TMC1: variants seen among roughly 807,000 people sequenced by gnomAD.
The protein encoded by TMC1 is transmembrane channel-like protein 1.
Under a neutral mutation model 105.8 loss-of-function variants are expected in TMC1, and 84 were observed. The observed-to-expected ratio is 0.79, with a 90% CI of 0.67 to 0.95. TMC1 has a LOEUF of 0.95. Ranked by LOEUF, TMC1 falls within the 40% of genes least tolerant of loss-of-function variation. The pLI, the probability that TMC1 is intolerant of heterozygous loss-of-function variation, is 0.00. For missense variants in TMC1, 817 were observed against 914.1 expected, an observed-to-expected ratio of 0.89 and a Z score of 1.37; for synonymous variants, 315 against 311.5, an observed-to-expected ratio of 1.01 and a Z score of -0.12.
chr9:72,755,622 A>G (rs1221603983), intron 12 of TMC1, among the ~76,000 whole-genome samples: 1 of 152,172 alleles, frequency 6.6e-6, no homozygotes, highest in East Asian at 1.9e-4. Flanking sequence ...ATGTAATTCC[A>G]CATATTCTTT....
chr9:72,833,044 T>C (rs143345330), intron 23 of TMC1, among the ~76,000 whole-genome samples: 140 of 152,284 alleles, frequency 9.2e-4, no homozygotes, highest in African/African-American at 3.3e-3. Flanking sequence ...TTAAGTATTA[T>C]CTCTTAAAAT....
chr9:72,775,281 G>A (rs1485860386), intron 13 of TMC1, among the ~76,000 whole-genome samples: 1 of 150,058 alleles, frequency 6.7e-6, no homozygotes, highest in Non-Finnish European at 1.5e-5. Context: ...TTCTTTCCAG[G>A]TCAGTGTACA....
At chr9:72,613,106 G>A (rs1159974940) in intron 2 of TMC1, among the ~76,000 whole-genome samples, 1 of 149,928 alleles carries the variant, frequency 6.7e-6, no homozygotes, top group Non-Finnish European at 1.5e-5. Flanking sequence ...AAAAAGTGGT[G>A]TAAGTTGTGT....
At chr9:72,629,676 C>A (rs969455759) in intron 4 of TMC1, among the ~76,000 whole-genome samples, 12 of 152,050 alleles carry the variant, frequency 7.9e-5, no homozygotes, top group Non-Finnish European at 1.6e-4. Flanking sequence ...GAGCATATAA[C>A]TTATATGAGA....
intron 13 of TMC1, among the ~76,000 whole-genome samples, chr9:72,773,771 C>T (rs1469347839): frequency 2.0e-5 from 3 of 152,104 alleles, no homozygotes; most frequent in Non-Finnish European, 4.4e-5. Context: ...AATAGTTTCT[C>T]ATGTCTGATG....
Position 72,821,013 on chromosome 9 carries a change from C to CCT in TMC1, c.1936_1937dup (p.Ser647CysfsTer9). 1 of 1,614,204 alleles carries CCT rather than the reference C, an allele frequency of 6.2e-7. No individual in the cohort carries two copies. The highest frequency in any genetic ancestry group is 8.5e-7 in the Non-Finnish European group (1 of 1,180,016). ...TGGGCATGCTACTGCTCATCCTCTTCCTGTCCACAATGCCTGTCTTGTACA... is the reference window on the plus strand; with the variant it reads ...TGGGCATGCTACTGCTCATCCTCTTCCTCTGTCCACAATGCCTGTCTTGTACA... On this transcript the variant is annotated frameshift_variant, in exon 20 of 24. Coordinates refer to ENST00000297784, the MANE Select transcript of TMC1 (RefSeq NM_138691.3). LOFTEE classifies it high-confidence loss of function.
rs148420134 is a variant in TMC1, at chr9:72,653,637, C to T, written c.16+4973C>T. ...CTTAGTATACTTTAGGCACAATATA[C>T]TATATACATTTAAAATGACAATTTG... On this transcript the variant is annotated intron_variant, in intron 5 of 23. Transcript: ENST00000297784. Among the ~76,000 whole-genome samples the T allele has an allele frequency of 4.1e-4, 62 of 152,242 alleles. 2 individuals are homozygous for T. The East Asian group carries it at 0.012, about 28-fold the overall frequency.
intron 5 of TMC1, among the ~76,000 whole-genome samples, chr9:72,667,067 G>A (rs547664210): frequency 6.6e-6 from 1 of 152,276 alleles, no homozygotes; most frequent in African/African-American, 2.4e-5. Context: ...GTGACAGGGT[G>A]AGACCCTGTC....
intron 2 of TMC1, among the ~76,000 whole-genome samples, chr9:72,596,648 G>T (rs1424394961): frequency 2.6e-5 from 4 of 151,814 alleles, no homozygotes; most frequent in Non-Finnish European, 4.4e-5. Context: ...TAAGTCTATA[G>T]CAGATGATGC....
intron 5 of TMC1, among the ~76,000 whole-genome samples, chr9:72,662,674 TAATTAATA>T (rs1825986173): frequency 6.6e-6 from 1 of 152,164 alleles, no homozygotes; most frequent in Admixed American, 6.5e-5. Context: ...GTGTGCTCAC[TAATTAATA>T]AACAGCAGAT....
intron 5 of TMC1, among the ~76,000 whole-genome samples, chr9:72,678,684 A>G (rs1392098659): frequency 5.3e-5 from 8 of 152,046 alleles, no homozygotes; most frequent in African/African-American, 1.7e-4. Context: ...ATTATAGACT[A>G]TATTTATTAT....
Position 72,693,035 on chromosome 9 carries a change from G to A in TMC1, c.65-1508G>A, listed in dbSNP as rs186088656. On this transcript the variant is annotated intron_variant, in intron 6 of 23. Transcript: ENST00000297784. The stretch of plus-strand genomic sequence containing the variant: ...CTCAGGAGGCTGAGACAAGAGAATC[G>A]TTTGAACTCTGGAGCTGGAGGTTGC... Among the ~76,000 whole-genome samples, 10 of 151,064 alleles carry A rather than the reference G, an allele frequency of 6.6e-5. No homozygotes were observed. In the East Asian group the frequency reaches 1.8e-3, roughly 27 times the overall value.
chr9:72,666,652 A>T (rs1368604335), intron 5 of TMC1, among the ~76,000 whole-genome samples: 1 of 152,216 alleles, frequency 6.6e-6, no homozygotes, highest in Non-Finnish European at 1.5e-5. Flanking sequence ...TTTGCCAAGC[A>T]TGGGCAATAA....
rs1028447353 is a variant in TMC1, at chr9:72,561,988, A to G, written c.-427-15914A>G. On this transcript the variant is annotated intron_variant, in intron 1 of 23. Transcript: ENST00000297784. ...CTGCCACTGCACTCTAGCCTGGGCA[A>G]CAGAACAAGATCCTATCTCTAAAAA... 1.5e-4 allele frequency among the ~76,000 whole-genome samples: 22 copies of G among 150,394 alleles called. 1 individual carries two copies. Among genetic ancestry groups the G allele is most frequent in the African/African-American group, 4.2e-4 (17 of 40,430 alleles).
chr9:72,731,442 G>A (rs1448435956), intron 8 of TMC1, among the ~76,000 whole-genome samples: 6 of 152,122 alleles, frequency 3.9e-5, no homozygotes, highest in Non-Finnish European at 7.4e-5. Context: ...ATAAAGAAAA[G>A]GAAGAAAATA....
chr9:72,733,760 A>G (rs1827253243), intron 8 of TMC1, among the ~76,000 whole-genome samples: 1 of 152,210 alleles, frequency 6.6e-6, no homozygotes, highest in African/African-American at 2.4e-5. Context: ...AGTACAACAG[A>G]AAAACTAGCA....
intron 5 of TMC1, among the ~76,000 whole-genome samples, chr9:72,677,098 G>A (rs1003474518): frequency 6.7e-6 from 1 of 150,342 alleles, no homozygotes; most frequent in African/African-American, 2.5e-5. Flanking sequence ...GACTTCCTTT[G>A]TTAGCCAGGG....
chr9:72,672,516 G>A (rs1359640188), intron 5 of TMC1, among the ~76,000 whole-genome samples: 4 of 151,694 alleles, frequency 2.6e-5, no homozygotes, highest in African/African-American at 9.7e-5. Context: ...ACTATATCTT[G>A]CCTATAAGAA....
chr9:72,622,093 T>C (rs1276922047), intron 3 of TMC1, among the ~76,000 whole-genome samples: 2 of 152,122 alleles, frequency 1.3e-5, no homozygotes, highest in South Asian at 2.1e-4. Flanking sequence ...ACTTTGTCAA[T>C]TGAGGGCACT....
Sources: allele counts gnomAD v4.1 joint callset (sites outside exome capture counted in the v4.1 genomes callset), GRCh38; gene constraint gnomAD v4.1.1; transcripts MANE v1.5; gene names NCBI Gene and HGNC (gene_info 2026-07-23, HGNC 2026-07-21).